Variants in DSCAM observed in about 807,000 individuals in gnomAD.
DSCAM encodes the protein cell adhesion molecule DSCAM.
A neutral mutation model predicts 217.7 loss-of-function variants in DSCAM; 47 were observed. That is an observed-to-expected ratio of 0.22 (90% CI 0.17 to 0.28). The LOEUF is 0.28. DSCAM is among the 10% of genes least tolerant of loss of function. The pLI, the probability that DSCAM is intolerant of heterozygous loss-of-function variation, is 1.00. For missense variants in DSCAM, 2,080 were observed against 2,618.3 expected, an observed-to-expected ratio of 0.79 and a Z score of 4.49; for synonymous variants, 1,056 against 1,015.3, an observed-to-expected ratio of 1.04 and a Z score of -0.76.
In DSCAM at chr21:40,441,644, T is replaced by C. The variant is rs113895947; in HGVS notation, c.509-72399A>G. Among the ~76,000 whole-genome samples the C allele has an allele frequency of 4.5e-3, 685 of 152,268 alleles. 5 individuals carry two copies. Among genetic ancestry groups the C allele is most frequent in the African/African-American group, 0.015 (621 of 41,548 alleles). ...ACTTCTGGTTCCAAACATAGATCATTTCCTTCTCTTGTCTAAAAGATACTC... is the reference window on the plus strand; with the variant it reads ...ACTTCTGGTTCCAAACATAGATCATCTCCTTCTCTTGTCTAAAAGATACTC... On this transcript the variant is annotated intron_variant, in intron 3 of 32. Transcript: ENST00000400454.
chr21:40,025,708 G>A (rs1233826604), intron 32 of DSCAM, among the ~76,000 whole-genome samples: 1 of 150,966 alleles, frequency 6.6e-6, no homozygotes, highest in African/African-American at 2.5e-5. Flanking sequence ...CTGTGGGATT[G>A]GTGGTGATGT....
intron 4 of DSCAM, among the ~76,000 whole-genome samples, chr21:40,365,208 GAGGC>G (rs2074818688): frequency 6.6e-6 from 1 of 152,150 alleles, no homozygotes; most frequent in South Asian, 2.1e-4. Flanking sequence ...TGAACTGGGA[GAGGC>G]AGACCCACCC....
At chr21:40,176,126 AG>A (rs2090726990) in intron 15 of DSCAM, among the ~76,000 whole-genome samples, 1 of 152,022 alleles carries the variant, frequency 6.6e-6, no homozygotes, top group Admixed American at 6.6e-5. Context: ...AGATGGAAAA[AG>A]GCATTGCACC....
At chr21:40,688,801 A>C (rs944164431) in intron 3 of DSCAM, among the ~76,000 whole-genome samples, 1 of 152,218 alleles carries the variant, frequency 6.6e-6, no homozygotes, top group African/African-American at 2.4e-5. Context: ...GATATTATGA[A>C]TCTTTCCTCC....
intron 1 of DSCAM, among the ~76,000 whole-genome samples, chr21:40,839,369 C>T (rs1424723054): frequency 6.6e-6 from 1 of 152,172 alleles, no homozygotes; most frequent in Non-Finnish European, 1.5e-5. Flanking sequence ...AGATTTCACC[C>T]TCCTACTATT....
intron 11 of DSCAM, among the ~76,000 whole-genome samples, chr21:40,236,547 C>T (rs779174362): frequency 3.3e-5 from 5 of 152,128 alleles, no homozygotes; most frequent in Non-Finnish European, 5.9e-5. Context: ...ACACCCAGCC[C>T]TCAGACACAG....
chr21:40,636,163 C>T (rs2089755305), intron 3 of DSCAM, among the ~76,000 whole-genome samples: 1 of 152,266 alleles, frequency 6.6e-6, no homozygotes. Flanking sequence ...CTGCAAGACC[C>T]CAGCACTCGC....
chr21:40,018,632 C>T lies in DSCAM; in HGVS notation c.5687-5246G>A, dbSNP rs563218571. Among the ~76,000 whole-genome samples, 12 of 152,124 alleles carry T rather than the reference C, an allele frequency of 7.9e-5. No homozygotes were observed. The South Asian group carries it at 8.3e-4, about 11-fold the overall frequency. Reference sequence around the variant, plus strand: ...GTGGTCCCGGCTGGACTGCAGAATGCGCAGGTCTTAGATTGGAAGGAAGAA... The same window carrying T: ...GTGGTCCCGGCTGGACTGCAGAATGTGCAGGTCTTAGATTGGAAGGAAGAA... On this transcript the variant is annotated intron_variant, in intron 32 of 32. Coordinates refer to ENST00000400454, the MANE Select transcript of DSCAM (RefSeq NM_001389.5).
chr21:40,053,085 A>C (rs2088958498), intron 29 of DSCAM, among the ~76,000 whole-genome samples: 2 of 152,234 alleles, frequency 1.3e-5, no homozygotes, highest in South Asian at 4.1e-4. Context: ...ACACTGCAAC[A>C]GGGATGCGAA....
chr21:40,198,762 G>C (rs751870438), intron 11 of DSCAM, among the ~76,000 whole-genome samples: 1 of 152,228 alleles, frequency 6.6e-6, no homozygotes, highest in Non-Finnish European at 1.5e-5. Context: ...AGTGGGAGGT[G>C]GGATGACATG....
chr21:40,501,061 AG>A (rs1416450297), intron 3 of DSCAM, among the ~76,000 whole-genome samples: 1 of 152,234 alleles, frequency 6.6e-6, no homozygotes, highest in African/African-American at 2.4e-5. Flanking sequence ...TACAGCCTAA[AG>A]GTAGAATTAG....
intron 3 of DSCAM, among the ~76,000 whole-genome samples, chr21:40,422,032 TC>T (rs2075429585): frequency 6.6e-6 from 1 of 152,238 alleles, no homozygotes; most frequent in South Asian, 2.1e-4. Flanking sequence ...ACAACTGCTA[TC>T]TTTCTATAAA....
Position 40,105,389 on chromosome 21 carries a change from G to A in DSCAM, c.3697-11515C>T, listed in dbSNP as rs187951019. On this transcript the variant is annotated intron_variant, in intron 20 of 32. Coordinates refer to ENST00000400454, the MANE Select transcript of DSCAM (RefSeq NM_001389.5). ...GAATTGTAGTTCCCACAATCCCCAT[G>A]TGCCGTGGGAGGGACCCCGTGGGAG... 3.2e-3 allele frequency among the ~76,000 whole-genome samples: 492 copies of A among 152,292 alleles called. 2 individuals are homozygous for A. Among genetic ancestry groups the A allele is most frequent in the African/African-American group, 0.011 (462 of 41,554 alleles).
intron 3 of DSCAM, among the ~76,000 whole-genome samples, chr21:40,455,000 A>G (rs1422318733): frequency 6.6e-6 from 1 of 152,214 alleles, no homozygotes; most frequent in East Asian, 1.9e-4. Context: ...ATGTAACCTG[A>G]TATCAGAAGG....
In DSCAM at chr21:40,420,765, A is replaced by G. The variant is rs73359148; in HGVS notation, c.509-51520T>C. Among the ~76,000 whole-genome samples, 1,200 of 152,292 alleles carry G rather than the reference A, an allele frequency of 7.9e-3. 13 individuals are homozygous for G. Among genetic ancestry groups the G allele is most frequent in the African/African-American group, 0.027 (1,129 of 41,556 alleles). ...GAATGCCATGTGACCCTGAAGGCAGATATCAGATGATGTTTCTACAAGCCA... is the reference window on the plus strand; with the variant it reads ...GAATGCCATGTGACCCTGAAGGCAGGTATCAGATGATGTTTCTACAAGCCA... On this transcript the variant is annotated intron_variant, in intron 3 of 32. Transcript: ENST00000400454.
chr21:40,101,050 G>A lies in DSCAM; in HGVS notation c.3697-7176C>T, dbSNP rs115320502. ...AGTTGCCGCCAGGCATGGACTTGAG[G>A]GATCCCATCCCCCATGTCCCTGAAC... On this transcript the variant is annotated intron_variant, in intron 20 of 32. Transcript: ENST00000400454. 4.2e-3 allele frequency among the ~76,000 whole-genome samples: 646 copies of A among 152,302 alleles called. 6 individuals are homozygous for A. The highest frequency in any genetic ancestry group is 0.015 in the African/African-American group (620 of 41,580).
intron 4 of DSCAM, among the ~76,000 whole-genome samples, chr21:40,364,396 G>C (rs1369295727): frequency 6.6e-6 from 1 of 151,968 alleles, no homozygotes. Flanking sequence ...GATGAAGCTG[G>C]AAACCATCAT....
At chr21:40,688,144 C>T (rs185116539) in intron 3 of DSCAM, among the ~76,000 whole-genome samples, 1 of 152,204 alleles carries the variant, frequency 6.6e-6, no homozygotes, top group Non-Finnish European at 1.5e-5. Flanking sequence ...AATTGGGCCA[C>T]TGCTAAAGAG....
At chr21:40,361,820 A>G (rs1244040163) in intron 4 of DSCAM, among the ~76,000 whole-genome samples, 2 of 152,222 alleles carry the variant, frequency 1.3e-5, no homozygotes, top group Non-Finnish European at 2.9e-5. Context: ...CTTTTAAACA[A>G]TTGAATTAAT....
Sources: allele counts gnomAD v4.1 joint callset (sites outside exome capture counted in the v4.1 genomes callset), GRCh38; gene constraint gnomAD v4.1.1; transcripts MANE v1.5; gene names NCBI Gene and HGNC (gene_info 2026-07-23, HGNC 2026-07-21).